The following XBP1 variants were observed in gnomAD, a reference collection of about 807,000 sequenced individuals.
The protein encoded by XBP1 is X-box-binding protein 1.
In XBP1, 18 loss-of-function variants were observed where a neutral mutation model predicts 34.6. The observed-to-expected ratio is 0.52, with a 90% CI of 0.36 to 0.77. The LOEUF is 0.77. Ranked by LOEUF, XBP1 falls within the 30% of genes least tolerant of loss-of-function variation. XBP1 has a pLI of 0.00. For synonymous variants in XBP1, 191 were observed against 193.4 expected (o/e 0.99, Z 0.11); for missense variants, 422 against 464.6 (o/e 0.91, Z 0.84).
chr22:28,799,343 A>T (rs769630220), intron 1 of XBP1, among the ~76,000 whole-genome samples, 190 bp from the exon 2 acceptor site: 15 of 152,210 alleles, frequency 9.9e-5, no homozygotes, highest in Non-Finnish European at 1.9e-4. Flanking sequence ...TCTAGCTCGA[A>T]GACCTGCTTT....
chr22:28,795,873 C>A, intron 5 of XBP1, 141 bp from the exon 6 acceptor site: 2 of 1,207,874 alleles, frequency 1.7e-6, no homozygotes, highest in South Asian at 2.9e-5. Context: ...ACCCATTTAT[C>A]TACACTTCAC....
downstream of XBP1, chr22:28,795,038 A>G: frequency 1.3e-6 from 1 of 780,544 alleles, no homozygotes; most frequent in Admixed American, 3.6e-5. Context: ...CATCTATGAG[A>G]TCTGAACAAA....
At chr22:28,800,362 G>T in exon 1 of XBP1, 1 of 1,543,550 alleles carries the variant, frequency 6.5e-7, no homozygotes, top group East Asian at 2.6e-5. Context: ...GCCTGGGGCA[G>T]CCCCCCGCTC....
chr22:28,795,109 G>T (rs1483268466), downstream of XBP1: 1 of 1,430,644 alleles, frequency 7.0e-7, no homozygotes, highest in Non-Finnish European at 9.3e-7. Flanking sequence ...AGTACAGACA[G>T]GCTTCTCTGC....
In XBP1 at chr22:28,799,066, TA is replaced by T; in HGVS notation, c.314del (p.Leu105Ter). The T allele has an allele frequency of 6.2e-7, 1 of 1,614,026 alleles. No homozygotes were observed. Among genetic ancestry groups the T allele is most frequent in the Non-Finnish European group, 8.5e-7 (1 of 1,179,894 alleles). On this transcript the variant is annotated frameshift_variant, in exon 2 of 6. Transcript: ENST00000344347. LOFTEE classifies it high-confidence loss of function. ...CCTTAAGTAGTTTTACCTCTTCTTCTAAATCTACCACTTGCTGTTCCAGCTC... is the reference window on the plus strand; with the variant it reads ...CCTTAAGTAGTTTTACCTCTTCTTCTAATCTACCACTTGCTGTTCCAGCTC...
At chr22:28,796,396 G>GGA (rs1252467428) in intron 3 of XBP1, 4 of 435,924 alleles carry the variant, frequency 9.2e-6, no homozygotes, top group African/African-American at 6.2e-5. Context: ...ATCTTTGCCT[G>GGA]GAGGAGGAAA....
downstream of XBP1, chr22:28,794,917 A>G (rs1300689890): frequency 3.0e-6 from 1 of 334,210 alleles, no homozygotes; most frequent in East Asian, 4.6e-5. Flanking sequence ...CTTTTAAGAT[A>G]AAAGTACAAT....
At chr22:28,795,366 G>C in exon 6 of XBP1, 4 of 1,552,208 alleles carry the variant, frequency 2.6e-6, no homozygotes, top group East Asian at 2.4e-5. Flanking sequence ...GAGATACCCA[G>C]CTCCGGAACG....
chr22:28,799,957 G>C (rs753880323), intron 1 of XBP1: 1 of 779,004 alleles, frequency 1.3e-6, no homozygotes, highest in African/African-American at 1.7e-5. Context: ...CAGATTATTC[G>C]ACCTCATGTC....
At chr22:28,799,323 C>A (rs1020546260) in intron 1 of XBP1, among the ~76,000 whole-genome samples, 170 bp from the exon 2 acceptor site, 1 of 152,224 alleles carries the variant, frequency 6.6e-6, no homozygotes, top group Non-Finnish European at 1.5e-5. Flanking sequence ...AAAATACAGT[C>A]TTCTGTCAAT....
intron 1 of XBP1, 77 bp downstream of exon 1, chr22:28,800,221 C>G: frequency 6.7e-7 from 1 of 1,487,976 alleles, no homozygotes; most frequent in Non-Finnish European, 9.1e-7. Flanking sequence ...GCTGGGTCCC[C>G]GCTCCCAGCC....
intron 1 of XBP1, chr22:28,800,038 C>A (rs1297045166): frequency 3.9e-6 from 3 of 777,844 alleles, no homozygotes; most frequent in Non-Finnish European, 7.2e-6. Context: ...TGCCCGCATC[C>A]CCAGCTCTGG....
At chr22:28,796,683 A>C (rs1022765888) in intron 3 of XBP1, 1 of 175,004 alleles carries the variant, frequency 5.7e-6, no homozygotes, top group African/African-American at 2.4e-5. Flanking sequence ...TATCACTATT[A>C]CAAAGAATCC....
chr22:28,800,171 C>A, intron 1 of XBP1, 127 bp downstream of exon 1: 1 of 1,162,156 alleles, frequency 8.6e-7, no homozygotes. Flanking sequence ...GGCACCGACC[C>A]GCCAGGCCAA....
rs2031850555 is a variant in XBP1 at position 28,800,198 on chromosome 22, C to CAAA, written c.227+99_227+100insTTT. 1.5e-5 allele frequency: 20 copies of CAAA among 1,365,322 alleles called. No individual in the cohort carries two copies. The South Asian group carries it at 2.3e-4, about 16-fold the overall frequency. 84.6% of individuals were successfully genotyped at this position (1,365,322 alleles called of 1,614,324 possible). On this transcript the variant is annotated intron_variant, in intron 1 of 5. Coordinates refer to ENST00000344347, the Ensembl canonical transcript of XBP1. Reference sequence around the variant, plus strand: ...CCAGGCCAAAGGCGACGGAGCCCTGCGGGGCGGCCAGTGCTGGGTCCCCGC... The same window carrying CAAA: ...CCAGGCCAAAGGCGACGGAGCCCTGCAAAGGGGCGGCCAGTGCTGGGTCCCCGC...
chr22:28,799,179 C>T, intron 1 of XBP1, 26 bp from the exon 2 acceptor site: 1 of 1,567,360 alleles, frequency 6.4e-7, no homozygotes, highest in Non-Finnish European at 8.8e-7. Context: ...ACATACCACA[C>T]TGAGTCATAT....
exon 1 of XBP1, chr22:28,800,498 G>T: frequency 1.3e-6 from 2 of 1,487,518 alleles, no homozygotes; most frequent in Admixed American, 2.4e-5. Context: ...CGTCGGCCGG[G>T]TTCGGCGCGG....
chr22:28,797,074 T>C lies in XBP1; in HGVS notation c.453+3A>G. The C allele has an allele frequency of 6.2e-7, 1 of 1,604,090 alleles. No homozygotes were observed. Among genetic ancestry groups the C allele is most frequent in the Non-Finnish European group, 8.5e-7 (1 of 1,177,700 alleles). ...GAGGCACCAAATAAAGGAGATGATT[T>C]ACCTTGGCTTCCGCCTCCTCTTCAG... On this transcript the variant is annotated splice_donor_region_variant and intron_variant, in intron 3 of 5. Coordinates refer to ENST00000344347, the Ensembl canonical transcript of XBP1.
At chr22:28,796,645 A>AGT (rs2031756834) in intron 3 of XBP1, 1 of 170,950 alleles carries the variant, frequency 5.8e-6, no homozygotes, top group South Asian at 1.6e-4. Context: ...ACTAAAACTC[A>AGT]CATACCACCC....
Sources: gnomAD v4.1 joint callset for allele counts (sites outside exome capture counted in the v4.1 genomes callset) on GRCh38, gnomAD v4.1.1 for gene constraint, MANE v1.5 for transcripts, NCBI Gene and HGNC (gene_info 2026-07-23, HGNC 2026-07-21) for gene names.